The following SDHA variants were observed in gnomAD, a reference collection of about 807,000 sequenced individuals.
SDHA encodes the protein succinate dehydrogenase complex flavoprotein subunit A, also known as succinate dehydrogenase [ubiquinone] flavoprotein subunit, mitochondrial.
SDHA carries 48 observed loss-of-function variants against 78.4 expected under a neutral mutation model. The observed-to-expected ratio is 0.61, with a 90% CI of 0.49 to 0.78. The LOEUF is 0.78. SDHA is among the 30% of genes least tolerant of loss of function. The pLI, the probability that SDHA is intolerant of heterozygous loss-of-function variation, is 0.00. For synonymous variants in SDHA, 326 were observed against 353.9 expected (o/e 0.92, Z 0.88); for missense variants, 680 against 892.7 (o/e 0.76, Z 3.04).
chr5:250,447 C>T (rs1490893919), intron 11 of SDHA: 2 of 201,568 alleles, frequency 9.9e-6, no homozygotes, highest in Non-Finnish European at 2.0e-5. Flanking sequence ...GTACAAGGAG[C>T]TTCTACAAGA....
At chr5:231,821 C>T (rs578129994) in intron 7 of SDHA, among the ~76,000 whole-genome samples, 2 of 151,910 alleles carry the variant, frequency 1.3e-5, no homozygotes, top group Non-Finnish European at 3.0e-5. Context: ...AGTTAGGACG[C>T]AGCCGTGACA....
rs770719847 is a variant in SDHA, at chr5:235,215, G to A, written c.1136G>A (p.Arg379His). The A allele has an allele frequency of 2.7e-5, 43 of 1,613,836 alleles. No individual in the cohort carries two copies. The highest frequency in any genetic ancestry group is 4.0e-5 in the African/African-American group (3 of 74,914). The change falls in exon 9 of 15, where the codon CGC (arginine) becomes CAC (histidine). Residue 379 changes from arginine (R) to histidine (H), a missense_variant. By Grantham distance (29) the Arg-to-His change is conservative (BLOSUM62 0). Coordinates refer to ENST00000264932, the MANE Select transcript of SDHA (RefSeq NM_004168.4). ...HHLPPEQLAT[R>H]LPGISETAMI... ...CTACCTCCAGAGCAGCTGGCCACGC[G>A]CCTGCCTGGCATTTCAGAGACAGCC...
intron 8 of SDHA, chr5:233,964 C>T (rs1433483509): frequency 2.7e-6 from 1 of 372,446 alleles, no homozygotes; most frequent in African/African-American, 2.1e-5. Flanking sequence ...GTCTGATACC[C>T]ACAGATGTTT....
intron 7 of SDHA, 71 bp from the exon 8 acceptor site, chr5:233,406 T>TG: frequency 6.4e-7 from 1 of 1,552,512 alleles, no homozygotes; most frequent in Non-Finnish European, 8.9e-7. Context: ...AAAAATGTCT[T>TG]GAAAAAAATA....
chr5:248,967 A>C (rs1283424372), intron 11 of SDHA: 1 of 396,758 alleles, frequency 2.5e-6, no homozygotes, highest in East Asian at 7.6e-5. Flanking sequence ...GGAAACTGTT[A>C]ATAGCTCTTA....
At chr5:221,260 G>A (rs1338092118) in intron 1 of SDHA, among the ~76,000 whole-genome samples, 1 of 152,178 alleles carries the variant, frequency 6.6e-6, no homozygotes, top group African/African-American at 2.4e-5. Context: ...TTCTGATACT[G>A]ACTCCTGGCA....
At chr5:219,434 A>G (rs6859848) in intron 1 of SDHA, among the ~76,000 whole-genome samples, 36,555 of 152,108 alleles carry the variant, frequency 0.24, 6,836 homozygotes, top group African/African-American at 0.52. Context: ...AAATTGCAGA[A>G]TAAAAATCTC....
chr5:262,403 A>C, the SDHA span, among the ~76,000 whole-genome samples: 52 of 141,240 alleles, frequency 3.7e-4, no homozygotes, highest in African/African-American at 8.4e-4. Flanking sequence ...ACTGTGTGAG[A>C]TCCGCCCCCT....
chr5:246,319 GAAA>G (rs1254598236), intron 11 of SDHA, among the ~76,000 whole-genome samples: 48 of 149,332 alleles, frequency 3.2e-4, no homozygotes, highest in Middle Eastern at 3.5e-3. Context: ...GCAGCTGATC[GAAA>G]AGCAAGGCCA....
chr5:234,263 C>T (rs977453858), intron 8 of SDHA: 1 of 156,372 alleles, frequency 6.4e-6, no homozygotes, highest in Non-Finnish European at 1.4e-5. Context: ...ACTAAAAATA[C>T]AAAAAATTAG....
At chr5:246,390 C>T (rs1299614970) in intron 11 of SDHA, among the ~76,000 whole-genome samples, 3 of 100,558 alleles carry the variant, frequency 3.0e-5, no homozygotes, top group East Asian at 2.8e-4. Context: ...CTGATCGAAA[C>T]GCAAGGCCGT....
In SDHA at chr5:224,266, C is replaced by A. The variant is rs1205599010; in HGVS notation, c.151-94C>A. 4.4e-6 allele frequency: 6 copies of A among 1,359,762 alleles called. No homozygotes were observed. The African/African-American group carries it at 8.8e-5, about 20-fold the overall frequency. 84.2% of individuals were successfully genotyped at this position (1,359,762 alleles called of 1,614,324 possible). ...AGGCCCTGTGTGCCCAGCAGTTGCT[C>A]CTTTTATCTTTGTCAAGCTCTTTCA... is the stretch of plus-strand genomic sequence containing the variant. On this transcript the variant is annotated intron_variant, in intron 2 of 14. Transcript: ENST00000264932.
At chr5:232,174 GA>G (rs1735447386) in intron 7 of SDHA, among the ~76,000 whole-genome samples, 1 of 152,122 alleles carries the variant, frequency 6.6e-6, no homozygotes, top group Admixed American at 6.5e-5. Context: ...CTGATCCCTG[GA>G]AGGGATGAAA....
intron 10 of SDHA, among the ~76,000 whole-genome samples, chr5:238,908 C>T (rs1735952459): frequency 6.6e-6 from 1 of 150,810 alleles, no homozygotes; most frequent in Non-Finnish European, 1.5e-5. Flanking sequence ...TTGCAGTGAG[C>T]CAAGATCACA....
rs1420375226 is a variant in SDHA, at chr5:256,828, C to CTTTTTTTTTTTTTT, written c.*420_*421insTTTTTTTTTTTTTT. 1 of 229,684 alleles carries CTTTTTTTTTTTTTT rather than the reference C, an allele frequency of 4.4e-6. No individual in the cohort carries two copies. The allele number at this position is 229,684 out of a possible 1,614,324, so 14.2% of individuals were successfully genotyped here. A position where few individuals can be genotyped will look rare whatever the true frequency, so the allele number is the denominator to read the frequency against. On this transcript the variant is annotated 3_prime_UTR_variant, in exon 15 of 15. Transcript: ENST00000264932. ...ATAGTTTCTTTTTTCTTTTTCTTTT[C>CTTTTTTTTTTTTTT]TTTTTTTTTTTTGAGACAGGATCGG...
At chr5:231,429 G>A (rs536233704) in intron 7 of SDHA, among the ~76,000 whole-genome samples, 5 of 151,908 alleles carry the variant, frequency 3.3e-5, no homozygotes, top group African/African-American at 2.4e-5. Context: ...GCGTGATGGC[G>A]TGTACCTGTA....
intron 11 of SDHA, among the ~76,000 whole-genome samples, chr5:240,683 T>TC (rs1736083369): frequency 6.6e-6 from 1 of 151,060 alleles, no homozygotes; most frequent in Non-Finnish European, 1.5e-5. Context: ...ACCCCACCCC[T>TC]CCCGCTTTTT....
chr5:256,824 TTTTC>T lies in SDHA; in HGVS notation c.*408_*411del, dbSNP rs1247920899. ...TTGTATAGTTTCTTTTTTCTTTTTC[TTTTC>T]TTTTTTTTTTTTGAGACAGGATCGG... On this transcript the variant is annotated 3_prime_UTR_variant, in exon 15 of 15. Transcript: ENST00000264932. 260 of 169,936 alleles carry T rather than the reference TTTTC, an allele frequency of 1.5e-3. No individual in the cohort carries two copies. Among genetic ancestry groups the T allele is most frequent in the South Asian group, 2.5e-3 (24 of 9,722 alleles). The allele number at this position is 169,936 out of a possible 1,614,324, so 10.5% of individuals were successfully genotyped here. A position where few individuals can be genotyped will look rare whatever the true frequency, so the allele number is the denominator to read the frequency against.
chr5:240,342 C>T lies in SDHA; in HGVS notation c.1433-16C>T. On this transcript the variant is annotated splice_polypyrimidine_tract_variant and intron_variant, in intron 10 of 14. Transcript: ENST00000264932. ...ACGGTTTTCAAAAGTTAAATTCTAG[C>T]TTTTTTTTGTTTTAGGAGATAAAGT... 1 of 1,502,590 alleles carries T rather than the reference C, an allele frequency of 6.7e-7. No homozygotes were observed. The highest frequency in any genetic ancestry group is 1.7e-5 in the Admixed American group (1 of 59,488). The allele number at this position is 1,502,590 out of a possible 1,614,324, so 93.1% of individuals were successfully genotyped here.
Sources: allele counts gnomAD v4.1 joint callset (sites outside exome capture counted in the v4.1 genomes callset), GRCh38; gene constraint gnomAD v4.1.1; transcripts MANE v1.5; gene names NCBI Gene and HGNC (gene_info 2026-07-23, HGNC 2026-07-21).